Variants in WASHC2A observed in about 807,000 individuals in gnomAD.
WASHC2A encodes WASH complex subunit 2A.
WASHC2A carries 82 observed loss-of-function variants against 140.3 expected under a neutral mutation model. The observed-to-expected ratio is 0.58, with a 90% CI of 0.49 to 0.70. The LOEUF (loss-of-function observed/expected upper bound fraction) is 0.70. Among genes scored for constraint, WASHC2A ranks in the 30% least tolerant of loss-of-function variants. The pLI is 0.00. For missense variants in WASHC2A, 985 were observed against 1,521.8 expected, an observed-to-expected ratio of 0.65 and a Z score of 5.87; for synonymous variants, 340 against 560.8, an observed-to-expected ratio of 0.61 and a Z score of 5.56.
intron 26 of WASHC2A, 102 bp downstream of exon 26, chr10:50,126,281 G>A: frequency 1.2e-6 from 2 of 1,604,184 alleles, no homozygotes; most frequent in Non-Finnish European, 1.7e-6. Context: ...CTGCATTAAG[G>A]AGGAAACAGC....
chr10:50,114,208 A>C (rs1370016573), intron 21 of WASHC2A, among the ~76,000 whole-genome samples: 3 of 94,974 alleles, frequency 3.2e-5, no homozygotes, highest in Non-Finnish European at 6.6e-5. Context: ...CAGGTGTAGG[A>C]ACAAGGAACT....
At chr10:50,082,088 G>C (rs1180842223) in intron 5 of WASHC2A, among the ~76,000 whole-genome samples, 1 of 151,970 alleles carries the variant, frequency 6.6e-6, no homozygotes, top group Non-Finnish European at 1.5e-5. Context: ...AGTGGACTCT[G>C]GGAAATGGAT....
intron 20 of WASHC2A, 35 bp downstream of exon 20, chr10:50,110,305 T>C (rs1214916267): frequency 6.2e-7 from 1 of 1,606,552 alleles, no homozygotes; most frequent in Non-Finnish European, 8.5e-7. Flanking sequence ...CCTCACTCCG[T>C]TACCGTGGTA....
intron 21 of WASHC2A, among the ~76,000 whole-genome samples, chr10:50,114,530 C>CAAA (rs1212563688): frequency 2.4e-4 from 26 of 109,978 alleles, no homozygotes; most frequent in African/African-American, 8.6e-4. Flanking sequence ...TACTGCAGGC[C>CAAA]AAAAAAAAAA....
rs1189228845 is a variant in WASHC2A, at chr10:50,131,740, A to C, written c.3886+662A>C. Among the ~76,000 whole-genome samples, 453 of 152,358 alleles carry C rather than the reference A, an allele frequency of 3.0e-3. 7 individuals carry two copies. The highest frequency in any genetic ancestry group is 0.01 in the African/African-American group (426 of 41,580). ...TAGACCTTGAGACTAACTGGGAGAC[A>C]GCTGGTGCTGCAGAGTCACACACTG... is the stretch of plus-strand genomic sequence containing the variant. On this transcript the variant is annotated intron_variant, in intron 30 of 30. Coordinates refer to ENST00000282633, the MANE Select transcript of WASHC2A (RefSeq NM_001005751.3).
chr10:50,109,958 G>GA, intron 19 of WASHC2A, 143 bp from the exon 20 acceptor site: 1 of 1,129,810 alleles, frequency 8.9e-7, no homozygotes, highest in Non-Finnish European at 1.3e-6. Flanking sequence ...TTTTAGTAGA[G>GA]ACGGGGTTTC....
In WASHC2A at chr10:50,095,797, G is replaced by C; in HGVS notation, c.1420+19G>C. 6.3e-7 allele frequency: 1 copy of C among 1,591,028 alleles called. No individual in the cohort carries two copies. Among genetic ancestry groups the C allele is most frequent in the Non-Finnish European group, 8.6e-7 (1 of 1,169,292 alleles). On this transcript the variant is annotated intron_variant, in intron 15 of 30. Transcript: ENST00000282633. Reference sequence around the variant, plus strand: ...AAAACAGGTATGTGTTCCTGCCTCCGTTTCTAGGACTTCAGCCAGAAAAAG... The same window carrying C: ...AAAACAGGTATGTGTTCCTGCCTCCCTTTCTAGGACTTCAGCCAGAAAAAG...
At chr10:50,114,309 G>A (rs1440914840) in intron 21 of WASHC2A, among the ~76,000 whole-genome samples, 2 of 94,546 alleles carry the variant, frequency 2.1e-5, no homozygotes. Flanking sequence ...TTTTATGAGT[G>A]TGTGTCGAGT....
Position 50,129,259 on chromosome 10 carries a change from G to T in WASHC2A, c.3088-160G>T, listed in dbSNP as rs539418336. 7.2e-4 allele frequency: 936 copies of T among 1,291,190 alleles called. 12 individuals carry two copies. In the South Asian group the frequency reaches 0.013, roughly 17 times the overall value. The allele number at this position is 1,291,190 out of a possible 1,614,324, so 80.0% of individuals were successfully genotyped here. A position where few individuals can be genotyped will look rare whatever the true frequency, so the allele number is the denominator to read the frequency against. On this transcript the variant is annotated intron_variant, in intron 28 of 30. Transcript: ENST00000282633. Reference sequence around the variant, plus strand: ...TAGGAGCTATTAAACTCCTTCCTTGGAAATCATTAAGAAATAACCTCTTCT... The same window carrying T: ...TAGGAGCTATTAAACTCCTTCCTTGTAAATCATTAAGAAATAACCTCTTCT...
At chr10:50,087,220 T>G in intron 7 of WASHC2A, 55 bp from the exon 8 acceptor site, 2 of 1,612,198 alleles carry the variant, frequency 1.2e-6, no homozygotes, top group South Asian at 2.2e-5. Context: ...TGCAATCATT[T>G]CTGTGCTTCT....
At position 50,133,154 on chromosome 10, in the gene WASHC2A, T is replaced by G. The variant is rs1434137992; in HGVS notation, c.*209T>G. ...AATAAATATTTCACAGTGGTTGGTT[T>G]GTTTTGTTTTTAAACCACAGTTTGA... On this transcript the variant is annotated 3_prime_UTR_variant, in exon 31 of 31. Transcript: ENST00000282633. 7 of 695,388 alleles carry G rather than the reference T, an allele frequency of 1.0e-5. No homozygotes were observed. Among genetic ancestry groups the G allele is most frequent in the African/African-American group, 1.8e-5 (1 of 55,248 alleles). The allele number at this position is 695,388 out of a possible 1,614,324, so 43.1% of individuals were successfully genotyped here.
rs1161432249 is a variant in WASHC2A, at chr10:50,110,667, C to G, written c.2039+397C>G. Among the ~76,000 whole-genome samples the G allele has an allele frequency of 8.6e-5, 13 of 151,968 alleles. No homozygotes were observed. The East Asian group carries it at 1.4e-3, about 16-fold the overall frequency. On this transcript the variant is annotated intron_variant, in intron 20 of 30. Transcript: ENST00000282633. ...CAGCACTTTGGGAGGCCGAGGTGGG[C>G]GGATCACGATGTCAGGAGTTCAAGA... is the stretch of plus-strand genomic sequence containing the variant.
chr10:50,125,573 G>C, intron 25 of WASHC2A, 124 bp downstream of exon 25: 2 of 1,599,716 alleles, frequency 1.3e-6, no homozygotes, highest in Non-Finnish European at 1.7e-6. Flanking sequence ...TAAATGAATG[G>C]CAAATAACAT....
intron 13 of WASHC2A, among the ~76,000 whole-genome samples, chr10:50,094,833 G>GTCCCT: frequency 6.6e-6 from 1 of 150,658 alleles, no homozygotes; most frequent in East Asian, 1.9e-4. Flanking sequence ...GGGGAGCCCT[G>GTCCCT]GTCATGCTGT....
chr10:50,099,695 G>A (rs1840876495), intron 16 of WASHC2A, among the ~76,000 whole-genome samples: 2 of 136,656 alleles, frequency 1.5e-5, no homozygotes, highest in African/African-American at 2.9e-5. Flanking sequence ...TGTCAGGCCC[G>A]TCAGGCAGCC....
chr10:50,068,586 T>C (rs1837510140), intron 2 of WASHC2A, among the ~76,000 whole-genome samples: 1 of 151,140 alleles, frequency 6.6e-6, no homozygotes, highest in Non-Finnish European at 1.5e-5. Context: ...TGGATATCCT[T>C]TAATGGGATT....
chr10:50,090,515 A>AAAAATATATATAT (rs1214596899), intron 8 of WASHC2A, among the ~76,000 whole-genome samples: 1 of 108,736 alleles, frequency 9.2e-6, no homozygotes, highest in African/African-American at 3.3e-5. Flanking sequence ...AAAAAAAAAA[A>AAAAATATATATAT]ATATATATAT....
intron 3 of WASHC2A, 148 bp from the exon 4 acceptor site, chr10:50,078,527 G>T (rs1554878789): frequency 1.5e-5 from 23 of 1,572,440 alleles, no homozygotes; most frequent in Non-Finnish European, 2.0e-5. Context: ...CACTGTTACG[G>T]ACACCCACCT....
chr10:50,069,234 G>A (rs1554875303), intron 2 of WASHC2A, among the ~76,000 whole-genome samples: 1 of 151,006 alleles, frequency 6.6e-6, no homozygotes, highest in East Asian at 1.9e-4. Context: ...AGACCAGCCT[G>A]GCCAACATGG....
Sources: gnomAD v4.1 joint callset for allele counts (sites outside exome capture counted in the v4.1 genomes callset) on GRCh38, gnomAD v4.1.1 for gene constraint, MANE v1.5 for transcripts, NCBI Gene and HGNC (gene_info 2026-07-23, HGNC 2026-07-21) for gene names.